Variants in LMBR1 observed in about 807,000 individuals in gnomAD.
LMBR1 encodes the protein limb region 1 protein homolog.
Under a neutral mutation model 73.9 loss-of-function variants are expected in LMBR1, and 52 were observed. That is an observed-to-expected ratio of 0.70 (90% confidence interval 0.56 to 0.89). The LOEUF (loss-of-function observed/expected upper bound fraction) is 0.89, where lower values mean the gene tolerates loss of function less well. LMBR1 is among the 40% of genes least tolerant of loss of function. The probability of loss-of-function intolerance (pLI) is 0.00; values close to 1 mark genes in which losing one functional copy is unlikely to be tolerated. For synonymous variants in LMBR1, 215 were observed against 209.4 expected, an observed-to-expected ratio of 1.03 and a Z score of -0.23; for missense variants, 539 against 579.8, an observed-to-expected ratio of 0.93 and a Z score of 0.72.
At position 156,683,995 on chromosome 7, in the gene LMBR1, G is replaced by A; in HGVS notation, c.*83C>T. The A allele has an allele frequency of 8.7e-7, 1 of 1,146,984 alleles. No individual in the cohort carries two copies. Among genetic ancestry groups the A allele is most frequent in the Non-Finnish European group, 1.3e-6 (1 of 771,052 alleles). 71.1% of individuals were successfully genotyped at this position (1,146,984 alleles called of 1,614,324 possible). On this transcript the variant is annotated 3_prime_UTR_variant, in exon 17 of 17. Coordinates refer to ENST00000353442, the MANE Select transcript of LMBR1 (RefSeq NM_022458.4). ...TTCTGAAGAGGGGCCACGGTTGAAT[G>A]GAAATGCTTCTACATGGGACAGGAA...
At chr7:156,887,578 CATG>C (rs1563633169) in intron 1 of LMBR1, among the ~76,000 whole-genome samples, 2 of 151,680 alleles carry the variant, frequency 1.3e-5, no homozygotes, top group African/African-American at 4.8e-5. Context: ...GGAAAACCTT[CATG>C]ATGCCAGTTG....
intron 9 of LMBR1, among the ~76,000 whole-genome samples, chr7:156,734,901 T>C (rs1306417084): frequency 6.6e-6 from 1 of 152,222 alleles, no homozygotes; most frequent in African/African-American, 2.4e-5. Flanking sequence ...ATGCATGGTT[T>C]TTATTACATG....
At chr7:156,712,812 A>G (rs1249288037) in intron 15 of LMBR1, among the ~76,000 whole-genome samples, 3 of 152,206 alleles carry the variant, frequency 2.0e-5, no homozygotes, top group Non-Finnish European at 2.9e-5. Flanking sequence ...TAATGCATTC[A>G]CATGGATGTA....
chr7:156,830,080 G>T (rs996434770), intron 3 of LMBR1, among the ~76,000 whole-genome samples: 1 of 152,036 alleles, frequency 6.6e-6, no homozygotes, highest in African/African-American at 2.4e-5. Flanking sequence ...CTTTTTAATT[G>T]CAATCTGAAT....
chr7:156,682,811 C>T lies in LMBR1; in HGVS notation c.*1267G>A, dbSNP rs951835602. ...TGAACACAGACCATCTATTTTCATA[C>T]ACACAGTGCATGTGAACATATTTAT... On this transcript the variant is annotated 3_prime_UTR_variant, in exon 17 of 17. Coordinates refer to ENST00000353442, the MANE Select transcript of LMBR1 (RefSeq NM_022458.4). 6.6e-6 allele frequency: 1 copy of T among 152,178 alleles called. No individual in the cohort carries two copies. The highest frequency in any genetic ancestry group is 1.5e-5 in the Non-Finnish European group (1 of 68,038). 9.4% of individuals were successfully genotyped at this position (152,178 alleles called of 1,614,324 possible). A position where few individuals can be genotyped will look rare whatever the true frequency, so the allele number is the denominator to read the frequency against.
At chr7:156,864,802 C>T (rs540787643) in intron 1 of LMBR1, among the ~76,000 whole-genome samples, 1 of 152,148 alleles carries the variant, frequency 6.6e-6, no homozygotes, top group South Asian at 2.1e-4. Flanking sequence ...TCGAGACCAG[C>T]CTGACCAACA....
At chr7:156,729,090 C>T (rs965192748) in intron 10 of LMBR1, among the ~76,000 whole-genome samples, 1 of 152,146 alleles carries the variant, frequency 6.6e-6, no homozygotes, top group Non-Finnish European at 1.5e-5. Flanking sequence ...ACGATCCTCC[C>T]CGCTCAGCTT....
At chr7:156,794,812 C>T (rs1475022643) in intron 5 of LMBR1, among the ~76,000 whole-genome samples, 4 of 152,238 alleles carry the variant, frequency 2.6e-5, no homozygotes, top group South Asian at 4.2e-4. Flanking sequence ...AGGACTGATT[C>T]GGTGCCGTGT....
chr7:156,711,603 T>C (rs1338029799), intron 15 of LMBR1, among the ~76,000 whole-genome samples: 2 of 152,014 alleles, frequency 1.3e-5, no homozygotes, highest in Non-Finnish European at 2.9e-5. Context: ...CTTCAAATTA[T>C]ACAACAAGGA....
downstream of LMBR1, among the ~76,000 whole-genome samples, chr7:156,673,480 A>C (rs1434366771): frequency 6.6e-6 from 1 of 152,222 alleles, no homozygotes; most frequent in African/African-American, 2.4e-5. Flanking sequence ...TTACCGATTC[A>C]AGACCCTAAA....
At chr7:156,855,937 A>T (rs10257341) in intron 1 of LMBR1, among the ~76,000 whole-genome samples, 54,604 of 152,046 alleles carry the variant, frequency 0.36, 10,048 homozygotes, top group East Asian at 0.57. Flanking sequence ...TCTTTCAAAA[A>T]TAAAGGAGAG....
chr7:156,793,345 C>A (rs938063429), intron 5 of LMBR1, among the ~76,000 whole-genome samples: 1 of 152,146 alleles, frequency 6.6e-6, no homozygotes, highest in African/African-American at 2.4e-5. Flanking sequence ...ACCTTTCCAA[C>A]TTTCATGTGA....
At chr7:156,871,250 T>C (rs950673306) in intron 1 of LMBR1, among the ~76,000 whole-genome samples, 3 of 152,126 alleles carry the variant, frequency 2.0e-5, no homozygotes, top group South Asian at 2.1e-4. Context: ...CATGAAGAAG[T>C]AGAAAGTCTG....
In LMBR1 at chr7:156,678,444, C is replaced by T. The variant is rs994482699; in HGVS notation, c.*5634G>A. ...GAAAGCTTGCGAGACCAAGTTGCAA[C>T]CACAGAACGCTAAAAAGGACCTGAA... On this transcript the variant is annotated 3_prime_UTR_variant, in exon 17 of 17. Transcript: ENST00000353442. 4 of 152,216 alleles carry T rather than the reference C, an allele frequency of 2.6e-5. No individual in the cohort carries two copies. The highest frequency in any genetic ancestry group is 9.6e-5 in the African/African-American group (4 of 41,468). The allele number at this position is 152,216 out of a possible 1,614,324, so 9.4% of individuals were successfully genotyped here. A position where few individuals can be genotyped will look rare whatever the true frequency, so the allele number is the denominator to read the frequency against.
chr7:156,767,047 G>T (rs192694458), intron 5 of LMBR1, among the ~76,000 whole-genome samples: 1 of 152,054 alleles, frequency 6.6e-6, no homozygotes, highest in African/African-American at 2.4e-5. Context: ...TAACGGTGTG[G>T]GCCAGTCGCT....
At chr7:156,743,643 CT>C (rs1244716695) in intron 9 of LMBR1, among the ~76,000 whole-genome samples, 1 of 152,084 alleles carries the variant, frequency 6.6e-6, no homozygotes, top group African/African-American at 2.4e-5. Context: ...TATATTTGTT[CT>C]TTATTTCTTC....
chr7:156,789,516 T>A (rs953130108), intron 5 of LMBR1, among the ~76,000 whole-genome samples: 2 of 152,214 alleles, frequency 1.3e-5, no homozygotes, highest in African/African-American at 4.8e-5. Context: ...GTATACTAAA[T>A]GACAAATAAA....
chr7:156,689,662 ATAAT>A (rs1200189688), intron 15 of LMBR1, among the ~76,000 whole-genome samples: 10 of 152,246 alleles, frequency 6.6e-5, no homozygotes, highest in African/African-American at 9.6e-5. Context: ...TTTAAGGTAG[ATAAT>A]TAATGAAAAC....
At chr7:156,691,643 T>C (rs1807198524) in intron 15 of LMBR1, among the ~76,000 whole-genome samples, 4 of 152,146 alleles carry the variant, frequency 2.6e-5, no homozygotes, top group Admixed American at 2.6e-4. Context: ...TATGACTTTA[T>C]CAATAAATTA....
Sources: allele counts gnomAD v4.1 joint callset (sites outside exome capture counted in the v4.1 genomes callset), GRCh38; gene constraint gnomAD v4.1.1; transcripts MANE v1.5; gene names NCBI Gene and HGNC (gene_info 2026-07-23, HGNC 2026-07-21).